The following RASGEF1A variants were observed in gnomAD, a reference collection of about 807,000 sequenced individuals.
The protein encoded by RASGEF1A is ras-GEF domain-containing family member 1A.
Under a neutral mutation model 56.4 loss-of-function variants are expected in RASGEF1A, and 18 were observed. The ratio of observed to expected loss-of-function variants is 0.32; its 90% confidence interval spans 0.22 to 0.47. RASGEF1A has a LOEUF of 0.47. Among genes scored for constraint, RASGEF1A ranks in the 20% least tolerant of loss-of-function variants. The pLI, the probability that RASGEF1A is intolerant of heterozygous loss-of-function variation, is 1.00. For synonymous variants in RASGEF1A, 245 were observed against 242.6 expected, an observed-to-expected ratio of 1.01 and a Z score of -0.09; for missense variants, 422 against 627.1, an observed-to-expected ratio of 0.67 and a Z score of 3.49.
chr10:43,196,454 C>A lies in RASGEF1A; in HGVS notation c.1421+22G>T, dbSNP rs1387444141. ...GTCCTCCCTCTTCCTTACAGACTCC[C>A]ATGTTCCTGACGCCCTCCTACCTGA... On this transcript the variant is annotated intron_variant, in intron 12 of 12. Transcript: ENST00000395810. This position sits in a 1 kb window ranked among gnomAD's most constrained non-coding sequence, Gnocchi z 4.6. The A allele has an allele frequency of 1.2e-6, 2 of 1,611,630 alleles. No homozygotes were observed. The highest frequency in any genetic ancestry group is 2.2e-5 in the East Asian group (1 of 44,874).
intron 1 of RASGEF1A, among the ~76,000 whole-genome samples, chr10:43,239,174 C>G (rs1840473530): frequency 6.6e-6 from 1 of 152,176 alleles, no homozygotes; most frequent in South Asian, 2.1e-4. Flanking sequence ...AAGAGGTCCT[C>G]TAGCAAAAGA....
At chr10:43,251,135 G>T (rs2133224849) in intron 1 of RASGEF1A, among the ~76,000 whole-genome samples, 1 of 152,344 alleles carries the variant, frequency 6.6e-6, no homozygotes, top group South Asian at 2.1e-4. Context: ...AGGGCTGCAG[G>T]AAGAGGCCTG....
intron 1 of RASGEF1A, among the ~76,000 whole-genome samples, chr10:43,221,138 C>T (rs939050895): frequency 6.6e-6 from 1 of 152,176 alleles, no homozygotes. Flanking sequence ...TCTGCGGTCC[C>T]TCTGCTCTGA....
At chr10:43,200,335 G>T in intron 5 of RASGEF1A, 79 bp from the exon 6 acceptor site, 1 of 1,290,558 alleles carries the variant, frequency 7.7e-7, no homozygotes, top group Non-Finnish European at 1.1e-6. Context: ...TGCGGACAGG[G>T]AGAGGAGGAG....
chr10:43,221,310 T>G (rs969079540), intron 1 of RASGEF1A, among the ~76,000 whole-genome samples: 3 of 152,216 alleles, frequency 2.0e-5, no homozygotes, highest in Admixed American at 2.0e-4. Context: ...AGCATTTAAT[T>G]GGCTGCTGAG....
At chr10:43,243,206 T>G (rs1159878877) in intron 1 of RASGEF1A, among the ~76,000 whole-genome samples, 3 of 125,128 alleles carry the variant, frequency 2.4e-5, no homozygotes, top group Admixed American at 8.4e-5. Flanking sequence ...AAGTGAGGAG[T>G]GCTTCTGCCC....
intron 1 of RASGEF1A, chr10:43,229,673 G>A (rs1177751696): frequency 2.0e-6 from 3 of 1,488,334 alleles, no homozygotes; most frequent in Non-Finnish European, 2.7e-6. Flanking sequence ...CCGGCTCCCC[G>A]CGCCGTCCTG....
intron 1 of RASGEF1A, among the ~76,000 whole-genome samples, chr10:43,264,928 G>A (rs1214817224): frequency 3.3e-5 from 5 of 152,064 alleles, no homozygotes; most frequent in Non-Finnish European, 7.4e-5. Flanking sequence ...CGGTTCTATT[G>A]CCAAAAACCA....
chr10:43,198,729 T>C (rs186907493), intron 9 of RASGEF1A, among the ~76,000 whole-genome samples: 62 of 152,350 alleles, frequency 4.1e-4, no homozygotes, highest in African/African-American at 1.5e-3. Flanking sequence ...CCTTAGGTGA[T>C]GCCGGGTCTG....
At chr10:43,202,848 G>A (rs1371995262) in intron 3 of RASGEF1A, among the ~76,000 whole-genome samples, 1 of 105,726 alleles carries the variant, frequency 9.5e-6, no homozygotes, top group African/African-American at 3.8e-5. Context: ...ACTCAGACCC[G>A]CCCCACAGCC....
Position 43,198,203 on chromosome 10 carries a change from C to CA in RASGEF1A, c.1033-9dup. Reference sequence around the variant, plus strand: ...GGACGGGTCCATGTGATGCTGTGGGCACAGGGAGGACCTGGTGAGCATCAC... The same window carrying CA: ...GGACGGGTCCATGTGATGCTGTGGGCAACAGGGAGGACCTGGTGAGCATCAC... On this transcript the variant is annotated splice_polypyrimidine_tract_variant and intron_variant, in intron 9 of 12. Transcript: ENST00000395810. The CA allele has an allele frequency of 6.2e-7, 1 of 1,602,774 alleles. No homozygotes were observed. Among genetic ancestry groups the CA allele is most frequent in the Non-Finnish European group, 8.5e-7 (1 of 1,171,672 alleles).
chr10:43,246,789 A>G (rs1238070396), intron 1 of RASGEF1A, among the ~76,000 whole-genome samples: 1 of 152,268 alleles, frequency 6.6e-6, no homozygotes, highest in East Asian at 1.9e-4. Context: ...TCAAAGACAT[A>G]AATGCAAGAC....
At chr10:43,203,075 G>A (rs1439051825) in intron 3 of RASGEF1A, among the ~76,000 whole-genome samples, 1 of 22,692 alleles carries the variant, frequency 4.4e-5, no homozygotes, top group African/African-American at 1.8e-4. Flanking sequence ...CCTTGACCCC[G>A]ACCCTGCCCC....
At chr10:43,199,527 G>T in intron 7 of RASGEF1A, 149 bp downstream of exon 7, 2 of 679,638 alleles carry the variant, frequency 2.9e-6, no homozygotes, top group South Asian at 3.4e-5. Context: ...TGTATGTCGG[G>T]GTTGGGGGAC....
chr10:43,266,542 C>CGCCCGGCCCG lies in RASGEF1A; in HGVS notation c.-7+293_-7+302dup, dbSNP rs911156313. 2.4e-4 allele frequency among the ~76,000 whole-genome samples: 37 copies of CGCCCGGCCCG among 151,088 alleles called. 1 individual carries two copies. Among genetic ancestry groups the CGCCCGGCCCG allele is most frequent in the East Asian group, 7.8e-4 (4 of 5,116 alleles). ...CCGCCCGCCGCGTGCGCTCCTGCCACGCCCGGCCCGGCCCGGCCCGGCCCG... is the reference window on the plus strand; with the variant it reads ...CCGCCCGCCGCGTGCGCTCCTGCCACGCCCGGCCCGGCCCGGCCCGGCCCGGCCCGGCCCG... On this transcript the variant is annotated intron_variant, in intron 1 of 12. Coordinates refer to ENST00000395810, the MANE Select transcript of RASGEF1A (RefSeq NM_145313.4).
At chr10:43,214,382 C>T (rs1053692810) in intron 1 of RASGEF1A, among the ~76,000 whole-genome samples, 3 of 152,226 alleles carry the variant, frequency 2.0e-5, no homozygotes, top group African/African-American at 4.8e-5. Flanking sequence ...TTGACACCAC[C>T]GTGGCCTCAT....
intron 1 of RASGEF1A, among the ~76,000 whole-genome samples, chr10:43,264,942 G>A (rs768856491): frequency 5.9e-5 from 9 of 152,084 alleles, no homozygotes; most frequent in Non-Finnish European, 1.3e-4. Flanking sequence ...AAAACCAAAG[G>A]CCAACCAAAG....
chr10:43,258,996 G>T (rs1256013085), intron 1 of RASGEF1A, among the ~76,000 whole-genome samples: 1 of 152,346 alleles, frequency 6.6e-6, no homozygotes, highest in South Asian at 2.1e-4. Flanking sequence ...GGCTGGCCCT[G>T]GTCTCTGGTT....
chr10:43,230,071 C>T (rs1268959588), intron 1 of RASGEF1A, among the ~76,000 whole-genome samples: 7 of 151,648 alleles, frequency 4.6e-5, no homozygotes, highest in Non-Finnish European at 7.4e-5. Flanking sequence ...GCGCGCGGGG[C>T]CGGCGAGGGG....
Sources: gnomAD v4.1 joint callset for allele counts (sites outside exome capture counted in the v4.1 genomes callset) on GRCh38, gnomAD v4.1.1 for gene constraint, Gnocchi (gnomAD v3.1) non-coding constraint, MANE v1.5 for transcripts, NCBI Gene and HGNC (gene_info 2026-07-23, HGNC 2026-07-21) for gene names.